Variants in SIMC1 observed in about 807,000 individuals in gnomAD.
SIMC1 encodes SUMO interacting motifs containing 1, also known as SUMO-interacting motif-containing protein 1.
In SIMC1, 55 loss-of-function variants were observed where a neutral mutation model predicts 82.3. The observed-to-expected ratio is 0.67, with a 90% confidence interval of 0.54 to 0.84. The LOEUF is 0.84. Among genes scored for constraint, SIMC1 ranks in the 40% least tolerant of loss-of-function variants. The pLI, the probability that SIMC1 is intolerant of heterozygous loss-of-function variation, is 0.00. For synonymous variants in SIMC1, 353 were observed against 426.3 expected (o/e 0.83, Z 2.12); for missense variants, 915 against 1,107.2 (o/e 0.83, Z 2.46).
At chr5:176,345,019 C>G (rs1020996347) in intron 9 of SIMC1, among the ~76,000 whole-genome samples, 164 bp from the exon 10 acceptor site, 13 of 152,076 alleles carry the variant, frequency 8.5e-5, no homozygotes, top group African/African-American at 3.1e-4. Context: ...GAACAAAGGG[C>G]CTTTTGGAAG....
chr5:176,336,435 T>G (rs1765897100), intron 7 of SIMC1, among the ~76,000 whole-genome samples: 1 of 152,238 alleles, frequency 6.6e-6, no homozygotes, highest in African/African-American at 2.4e-5. Flanking sequence ...TTCAGAAATA[T>G]TCTCATGATT....
intron 6 of SIMC1, chr5:176,322,641 C>A: frequency 5.6e-6 from 3 of 532,006 alleles, no homozygotes; most frequent in Non-Finnish European, 9.7e-6. Flanking sequence ...TAGGACTTCA[C>A]AAAGTGAATA....
In SIMC1 at chr5:176,313,850, G is replaced by T. The variant is rs1182884406; in HGVS notation, c.1889+5G>T. ...CAAGCAGCCCCACAATGTCAGGTAA[G>T]CAGCCACCTGAGCCCTCGGATGAGA... On this transcript the variant is annotated splice_donor_5th_base_variant and intron_variant, in intron 5 of 9. Coordinates refer to ENST00000429602, the MANE Select transcript of SIMC1 (RefSeq NM_001308195.2). 1.2e-6 allele frequency: 2 copies of T among 1,613,162 alleles called. No individual in the cohort carries two copies. Among genetic ancestry groups the T allele is most frequent in the East Asian group, 4.5e-5 (2 of 44,886 alleles).
intron 1 of SIMC1, among the ~76,000 whole-genome samples, chr5:176,251,735 G>A (rs1432180176): frequency 2.0e-5 from 3 of 151,390 alleles, no homozygotes; most frequent in Non-Finnish European, 4.4e-5. Context: ...GTGGCCTTCC[G>A]CAGTGTTTGT....
chr5:176,271,841 A>T (rs1410078497), intron 1 of SIMC1, among the ~76,000 whole-genome samples: 1 of 146,934 alleles, frequency 6.8e-6, no homozygotes, highest in Non-Finnish European at 1.5e-5. Context: ...AAAATATCTC[A>T]TGTACCCCAT....
At chr5:176,319,521 A>T (rs1440556918) in intron 5 of SIMC1, among the ~76,000 whole-genome samples, 1 of 152,052 alleles carries the variant, frequency 6.6e-6, no homozygotes, top group African/African-American at 2.4e-5. Flanking sequence ...GCAAGCCCTC[A>T]TCTCTAAAAA....
intron 1 of SIMC1, among the ~76,000 whole-genome samples, chr5:176,285,913 G>A (rs1383349103): frequency 1.3e-5 from 2 of 152,168 alleles, no homozygotes; most frequent in Non-Finnish European, 2.9e-5. Flanking sequence ...AAATACCTAG[G>A]AATCCAACTT....
chr5:176,251,346 A>AAGCGAG (rs1273758191), intron 1 of SIMC1, among the ~76,000 whole-genome samples: 3 of 152,186 alleles, frequency 2.0e-5, no homozygotes, highest in Admixed American at 6.5e-5. Flanking sequence ...GCGACAGAGC[A>AAGCGAG]AGCGAGACTC....
chr5:176,277,730 C>G (rs1256631879), intron 1 of SIMC1, among the ~76,000 whole-genome samples: 3 of 151,892 alleles, frequency 2.0e-5, no homozygotes, highest in African/African-American at 4.8e-5. Flanking sequence ...GCTTGTTTTT[C>G]TCAGGTTTGT....
intron 7 of SIMC1, among the ~76,000 whole-genome samples, chr5:176,327,604 T>C (rs1207973335): frequency 6.6e-6 from 1 of 152,188 alleles, no homozygotes; most frequent in Non-Finnish European, 1.5e-5. Context: ...CCATACTGCA[T>C]AGGCTAGAAT....
At chr5:176,320,383 T>TTTA (rs1765109347) in intron 5 of SIMC1, among the ~76,000 whole-genome samples, 1 of 146,426 alleles carries the variant, frequency 6.8e-6, no homozygotes, top group African/African-American at 2.6e-5. Context: ...TTATTTATTT[T>TTTA]GAGGCGGAGT....
chr5:176,337,461 G>A (rs1022102234), intron 9 of SIMC1, among the ~76,000 whole-genome samples: 2 of 152,180 alleles, frequency 1.3e-5, no homozygotes, highest in Non-Finnish European at 2.9e-5. Context: ...AGGCGTGGTG[G>A]TGTATGCCTG....
intron 1 of SIMC1, among the ~76,000 whole-genome samples, chr5:176,274,860 T>A (rs1470780047): frequency 1.1e-4 from 17 of 151,892 alleles, no homozygotes; most frequent in Non-Finnish European, 4.4e-5. Flanking sequence ...ACCAGTACCA[T>A]GCTCTTTTGG....
At chr5:176,333,165 G>A (rs987578865) in intron 7 of SIMC1, among the ~76,000 whole-genome samples, 3 of 152,030 alleles carry the variant, frequency 2.0e-5, no homozygotes, top group East Asian at 2.0e-4. Flanking sequence ...TTAGCTGGGC[G>A]TGGTGGTGCG....
At chr5:176,287,705 A>C (rs903865343) in intron 1 of SIMC1, among the ~76,000 whole-genome samples, 1 of 151,768 alleles carries the variant, frequency 6.6e-6, no homozygotes, top group Non-Finnish European at 1.5e-5. Flanking sequence ...AATTGAAAGA[A>C]TAAAAAAAGA....
In SIMC1 at chr5:176,345,214, G is replaced by A. The variant is rs1278384571; in HGVS notation, c.2445G>A (p.Lys815=). ...TAAGGAGTTCCGTGATCGACCGAAA[G>A]GACTTAATAATCAAAAGGATTAAGC... is the stretch of plus-strand genomic sequence containing the variant. ...EHLRSSVIDR[K]DLIIKRIKPK... Residue 815 remains lysine, a synonymous_variant, in exon 10 of 10, where the codon AAG becomes AAA. Coordinates refer to ENST00000429602, the MANE Select transcript of SIMC1 (RefSeq NM_001308195.2). 5.6e-6 allele frequency: 9 copies of A among 1,613,916 alleles called. No homozygotes were observed. The highest frequency in any genetic ancestry group is 7.6e-6 in the Non-Finnish European group (9 of 1,179,860).
intron 4 of SIMC1, among the ~76,000 whole-genome samples, chr5:176,305,810 C>T (rs1341698381): frequency 1.5e-4 from 2 of 12,950 alleles, no homozygotes; most frequent in African/African-American, 2.8e-4. Flanking sequence ...GAGGTGGGGG[C>T]GTCAGCCCCC....
intron 5 of SIMC1, among the ~76,000 whole-genome samples, chr5:176,314,831 A>G (rs982019808): frequency 1.3e-5 from 2 of 152,200 alleles, no homozygotes; most frequent in African/African-American, 2.4e-5. Context: ...ACTATACCTC[A>G]AGTACCCAAC....
chr5:176,248,337 G>A (rs1329134334), intron 1 of SIMC1, among the ~76,000 whole-genome samples: 1 of 152,070 alleles, frequency 6.6e-6, no homozygotes, highest in African/African-American at 2.4e-5. Flanking sequence ...CTTGTAAGTT[G>A]TATTCCTAGG....
Sources: allele counts gnomAD v4.1 joint callset (sites outside exome capture counted in the v4.1 genomes callset), GRCh38; gene constraint gnomAD v4.1.1; transcripts MANE v1.5; gene names NCBI Gene and HGNC (gene_info 2026-07-23, HGNC 2026-07-21).